The following CNTN1 variants were observed in gnomAD, a reference collection of about 807,000 sequenced individuals.
CNTN1 encodes contactin 1.
A neutral mutation model predicts 126.4 loss-of-function variants in CNTN1; 38 were observed. The observed-to-expected ratio is 0.30, with a 90% CI of 0.23 to 0.39. CNTN1 has a LOEUF of 0.39. Among genes scored for constraint, CNTN1 ranks in the 10% least tolerant of loss-of-function variants. CNTN1 has a pLI of 1.00. For synonymous variants in CNTN1, 413 were observed against 422.6 expected, an observed-to-expected ratio of 0.98 and a Z score of 0.28; for missense variants, 1,009 against 1,248.4, an observed-to-expected ratio of 0.81 and a Z score of 2.89.
At chr12:40,754,269 C>A (rs1013193340) in intron 1 of CNTN1, among the ~76,000 whole-genome samples, 1 of 151,988 alleles carries the variant, frequency 6.6e-6, no homozygotes, top group Non-Finnish European at 1.5e-5. Context: ...TATAGTCATC[C>A]CTTGTATCTA....
At chr12:40,955,096 C>A (rs772046634) in intron 14 of CNTN1, among the ~76,000 whole-genome samples, 1 of 151,956 alleles carries the variant, frequency 6.6e-6, no homozygotes, top group African/African-American at 2.4e-5. Context: ...TAACTCTTGC[C>A]CGAAATCACA....
intron 1 of CNTN1, among the ~76,000 whole-genome samples, chr12:40,902,074 A>G (rs1206102329): frequency 6.6e-6 from 1 of 152,224 alleles, no homozygotes; most frequent in African/African-American, 2.4e-5. Context: ...ATTGTATAGT[A>G]TCCCCTTTTA....
At chr12:40,699,678 G>T (rs1456493550) in intron 1 of CNTN1, among the ~76,000 whole-genome samples, 2 of 152,022 alleles carry the variant, frequency 1.3e-5, no homozygotes, top group Admixed American at 6.5e-5. Context: ...ACAAAGCATG[G>T]TCACATGCAT....
In CNTN1 at chr12:41,002,248, A is replaced by G. The variant is rs190853778; in HGVS notation, c.2113+8979A>G. On this transcript the variant is annotated intron_variant, in intron 17 of 23. Transcript: ENST00000551295. ...TGGGCAGTATGGCCATTTTTATAGT[A>G]TTGATGCTTTCTATCCACGAGCATG... 1.6e-4 allele frequency among the ~76,000 whole-genome samples: 25 copies of G among 152,246 alleles called. No homozygotes were observed. The East Asian group carries it at 4.8e-3, about 29-fold the overall frequency.
intron 1 of CNTN1, among the ~76,000 whole-genome samples, chr12:40,898,523 T>C (rs1447177507): frequency 1.3e-5 from 2 of 152,098 alleles, no homozygotes; most frequent in South Asian, 2.1e-4. Context: ...ACAGTTTTAA[T>C]TGAATTGAAG....
chr12:40,874,157 G>A (rs2136678156), intron 1 of CNTN1, among the ~76,000 whole-genome samples: 1 of 151,988 alleles, frequency 6.6e-6, no homozygotes, highest in Middle Eastern at 3.4e-3. Flanking sequence ...AACTTTCTTT[G>A]CCTCAGTTTT....
At chr12:40,703,242 A>G (rs1279379301) in intron 1 of CNTN1, among the ~76,000 whole-genome samples, 2 of 152,208 alleles carry the variant, frequency 1.3e-5, no homozygotes, top group Non-Finnish European at 2.9e-5. Flanking sequence ...TGTGTGCTAA[A>G]GAGATCATAA....
intron 23 of CNTN1, among the ~76,000 whole-genome samples, chr12:41,034,729 ATT>A (rs1387655145): frequency 1.3e-5 from 2 of 152,336 alleles, no homozygotes; most frequent in East Asian, 3.9e-4. Context: ...TAAAATGCAT[ATT>A]CTCTTCATTA....
At chr12:40,791,843 T>C (rs558551217) in intron 1 of CNTN1, among the ~76,000 whole-genome samples, 4 of 152,156 alleles carry the variant, frequency 2.6e-5, no homozygotes, top group African/African-American at 7.2e-5. Context: ...ATTTCAATGA[T>C]TGGGAGAGAT....
chr12:40,818,965 G>A (rs1941348652), intron 1 of CNTN1, among the ~76,000 whole-genome samples: 2 of 152,136 alleles, frequency 1.3e-5, no homozygotes, highest in South Asian at 4.2e-4. Flanking sequence ...GTTTGCCGGG[G>A]GTTCGCTTCA....
In CNTN1 at chr12:40,699,796, A is replaced by G. The variant is rs372099113; in HGVS notation, c.-77+7204A>G. 4.8e-4 allele frequency among the ~76,000 whole-genome samples: 73 copies of G among 152,176 alleles called. 2 individuals carry two copies. In the South Asian group the frequency reaches 0.015, roughly 31 times the overall value. On this transcript the variant is annotated intron_variant, in intron 1 of 23. Coordinates refer to ENST00000551295, the MANE Select transcript of CNTN1 (RefSeq NM_001843.4). The stretch of plus-strand genomic sequence containing the variant: ...CTCAGAGAAGTAACTAATTTGCCCA[A>G]GGTTACACGTTAGTGGCAAATCTGG...
intron 19 of CNTN1, among the ~76,000 whole-genome samples, chr12:41,019,201 T>G (rs958700392): frequency 6.6e-6 from 1 of 152,144 alleles, no homozygotes; most frequent in African/African-American, 2.4e-5. Flanking sequence ...CTTCACTCAG[T>G]TTTAATAATT....
intron 9 of CNTN1, 50 bp from the exon 10 acceptor site, chr12:40,936,731 A>T (rs764958702): frequency 6.2e-7 from 1 of 1,606,302 alleles, no homozygotes; most frequent in Non-Finnish European, 8.5e-7. Context: ...GGAGATTATG[A>T]TGGATCTTGA....
intron 1 of CNTN1, among the ~76,000 whole-genome samples, chr12:40,707,522 G>A (rs545338100): frequency 1.3e-5 from 2 of 152,146 alleles, no homozygotes; most frequent in South Asian, 4.1e-4. Flanking sequence ...AAAGGGCTGG[G>A]ATTACAGGCT....
At chr12:41,068,863 TGCCTGTAATCCCA>T (rs1176374934) in intron 23 of CNTN1, among the ~76,000 whole-genome samples, 6 of 152,188 alleles carry the variant, frequency 3.9e-5, no homozygotes, top group Non-Finnish European at 2.9e-5. Context: ...TGGTGGCTTA[TGCCTGTAATCCCA>T]GCACTTTGGG....
intron 19 of CNTN1, 39 bp from the exon 20 acceptor site, chr12:41,020,298 A>G (rs749367268): frequency 4.7e-6 from 6 of 1,283,182 alleles, no homozygotes; most frequent in Non-Finnish European, 6.8e-6. Flanking sequence ...TTAAATGTAA[A>G]TATCTCACTA....
intron 15 of CNTN1, among the ~76,000 whole-genome samples, chr12:40,962,739 T>G (rs533879883): frequency 6.5e-4 from 99 of 152,258 alleles, no homozygotes; most frequent in African/African-American, 2.3e-3. Context: ...CCAAAGATGC[T>G]TGAGGAAAAG....
intron 23 of CNTN1, among the ~76,000 whole-genome samples, chr12:41,064,501 C>G (rs193154284): frequency 2.0e-5 from 3 of 152,308 alleles, no homozygotes; most frequent in Admixed American, 2.0e-4. Context: ...GAATTGCTAC[C>G]ATTTACTGGG....
intron 15 of CNTN1, among the ~76,000 whole-genome samples, chr12:40,960,382 A>G (rs1271788908): frequency 6.6e-6 from 1 of 152,008 alleles, no homozygotes; most frequent in Admixed American, 6.6e-5. Context: ...TCACACTATC[A>G]GATAAATTGG....
Sources: allele counts gnomAD v4.1 joint callset (sites outside exome capture counted in the v4.1 genomes callset), GRCh38; gene constraint gnomAD v4.1.1; transcripts MANE v1.5; gene names NCBI Gene and HGNC (gene_info 2026-07-23, HGNC 2026-07-21).